Variants in DAB1 observed in about 807,000 individuals in gnomAD.
The protein encoded by DAB1 is disabled homolog 1.
Under a neutral mutation model 64.6 loss-of-function variants are expected in DAB1, and 15 were observed. That is an observed-to-expected ratio of 0.23 (90% CI 0.16 to 0.36). DAB1 has a LOEUF of 0.36. DAB1 is among the 10% of genes least tolerant of loss of function. DAB1 has a pLI of 1.00. For missense variants in DAB1, 596 were observed against 706.7 expected (o/e 0.84, Z 1.78); for synonymous variants, 235 against 251.9 (o/e 0.93, Z 0.64).
intron 1 of DAB1, among the ~76,000 whole-genome samples, chr1:57,302,903 T>TC (rs1199991804): frequency 6.6e-6 from 1 of 152,100 alleles, no homozygotes; most frequent in Non-Finnish European, 1.5e-5. Flanking sequence ...GCTATTTAAC[T>TC]CCCCCAAGCC....
chr1:58,207,996 T>C (rs977033922), intron 4 of DAB1, among the ~76,000 whole-genome samples: 1 of 152,136 alleles, frequency 6.6e-6, no homozygotes. Flanking sequence ...GAAGTGAACA[T>C]GTCCTCCTTC....
chr1:57,328,031 A>C (rs1235054897), intron 1 of DAB1, among the ~76,000 whole-genome samples: 1 of 152,150 alleles, frequency 6.6e-6, no homozygotes, highest in Non-Finnish European at 1.5e-5. Context: ...AATGCTACTG[A>C]GTAGATTAGG....
intron 5 of DAB1, among the ~76,000 whole-genome samples, chr1:58,043,922 T>C (rs1489563123): frequency 6.6e-6 from 1 of 152,144 alleles, no homozygotes; most frequent in African/African-American, 2.4e-5. Flanking sequence ...GAGATGGGGT[T>C]TCACCATGTT....
intron 4 of DAB1, among the ~76,000 whole-genome samples, chr1:57,127,319 G>T (rs775642642): frequency 6.6e-6 from 1 of 152,110 alleles, no homozygotes; most frequent in Non-Finnish European, 1.5e-5. Flanking sequence ...TTTCAGAAGC[G>T]TCTTTCTCCA....
intron 4 of DAB1, among the ~76,000 whole-genome samples, chr1:57,087,328 A>G (rs955452182): frequency 6.6e-6 from 1 of 152,226 alleles, no homozygotes; most frequent in Admixed American, 6.5e-5. Flanking sequence ...GGGATCACGT[A>G]ATCAGGGCAA....
intron 4 of DAB1, among the ~76,000 whole-genome samples, chr1:58,324,444 C>T (rs1662773708): frequency 6.6e-6 from 1 of 152,178 alleles, no homozygotes; most frequent in African/African-American, 2.4e-5. Flanking sequence ...CCAATTAAGA[C>T]ATCCCAGTTG....
At chr1:58,035,198 C>T (rs1289950247) in intron 5 of DAB1, among the ~76,000 whole-genome samples, 1 of 152,166 alleles carries the variant, frequency 6.6e-6, no homozygotes, top group Non-Finnish European at 1.5e-5. Flanking sequence ...GTAGTTCCTG[C>T]CACCCCAGCT....
chr1:57,745,853 T>A (rs767332724), intron 6 of DAB1, among the ~76,000 whole-genome samples: 2 of 152,182 alleles, frequency 1.3e-5, no homozygotes, highest in Non-Finnish European at 2.9e-5. Flanking sequence ...ATGAATTAAG[T>A]GGATATCTTT....
At chr1:57,329,481 T>C (rs1676462696) in intron 1 of DAB1, among the ~76,000 whole-genome samples, 1 of 152,064 alleles carries the variant, frequency 6.6e-6, no homozygotes, top group Non-Finnish European at 1.5e-5. Context: ...CTTTCCGGTT[T>C]TTTTGCATAT....
intron 1 of DAB1, among the ~76,000 whole-genome samples, chr1:57,389,695 G>A (rs1177966522): frequency 1.3e-5 from 2 of 152,248 alleles, no homozygotes; most frequent in Middle Eastern, 3.4e-3. Flanking sequence ...CATAGTACAT[G>A]GGTACAATTT....
chr1:58,225,917 A>G (rs1241242832), intron 4 of DAB1, among the ~76,000 whole-genome samples: 1 of 150,798 alleles, frequency 6.6e-6, no homozygotes, highest in East Asian at 2.0e-4. Flanking sequence ...ATATGTAACT[A>G]ACCTGCACGT....
At chr1:57,479,312 G>C (rs1002887810) in intron 7 of DAB1, among the ~76,000 whole-genome samples, 12 of 151,966 alleles carry the variant, frequency 7.9e-5, no homozygotes, top group Admixed American at 4.6e-4. Context: ...ATGCTTCACA[G>C]AGACAGTTTA....
At chr1:57,641,366 CTTTTTTTTGTTGG>C (rs1240481261) in intron 7 of DAB1, among the ~76,000 whole-genome samples, 1,226 of 115,342 alleles carry the variant, frequency 0.011, 27 homozygotes, top group African/African-American at 0.039. Flanking sequence ...CCAGTTCCCT[CTTTTTTTTGTTGG>C]TTTTTTTTTT....
chr1:57,997,628 T>C (rs902306575), intron 5 of DAB1, among the ~76,000 whole-genome samples: 7 of 152,070 alleles, frequency 4.6e-5, no homozygotes, highest in Admixed American at 2.0e-4. Context: ...GTGATTAGCA[T>C]AGTGCAACTC....
At chr1:57,816,895 C>T (rs1185693420) in intron 6 of DAB1, among the ~76,000 whole-genome samples, 1 of 152,184 alleles carries the variant, frequency 6.6e-6, no homozygotes, top group Admixed American at 6.5e-5. Flanking sequence ...GAGCAGTAAA[C>T]AAAAGTGTCC....
intron 3 of DAB1, among the ~76,000 whole-genome samples, chr1:58,428,631 A>T (rs772499753): frequency 6.6e-6 from 1 of 152,200 alleles, no homozygotes; most frequent in East Asian, 1.9e-4. Flanking sequence ...TATGTTTAAT[A>T]AAAAAATCCT....
intron 1 of DAB1, among the ~76,000 whole-genome samples, chr1:57,388,629 T>C (rs1020726576): frequency 3.9e-5 from 6 of 152,210 alleles, no homozygotes; most frequent in Admixed American, 3.9e-4. Context: ...TGCTTTAGTC[T>C]GCCTCGTCTC....
intron 5 of DAB1, among the ~76,000 whole-genome samples, chr1:57,956,536 T>A (rs1477947511): frequency 6.6e-6 from 1 of 152,198 alleles, no homozygotes; most frequent in Non-Finnish European, 1.5e-5. Context: ...CAGGTCAGCC[T>A]CCTGGGGCAG....
At chr1:58,394,602 T>C (rs577987206) in intron 3 of DAB1, among the ~76,000 whole-genome samples, 1 of 152,198 alleles carries the variant, frequency 6.6e-6, no homozygotes, top group Admixed American at 6.5e-5. Flanking sequence ...TTGCTGATAC[T>C]TGTAACAACA....
Sources: allele counts gnomAD v4.1 joint callset (sites outside exome capture counted in the v4.1 genomes callset), GRCh38; gene constraint gnomAD v4.1.1; transcripts MANE v1.5; gene names NCBI Gene and HGNC (gene_info 2026-07-23, HGNC 2026-07-21).